The following JAZF1 variants were observed in gnomAD, a reference collection of about 807,000 sequenced individuals.
JAZF1 encodes JAZF zinc finger 1.
In JAZF1, 8 loss-of-function variants were observed where a neutral mutation model predicts 26.4. That is an observed-to-expected ratio of 0.30 (90% confidence interval 0.18 to 0.55). JAZF1 has a LOEUF of 0.55. Ranked by LOEUF, JAZF1 falls within the 20% of genes least tolerant of loss-of-function variation. The pLI, the probability that JAZF1 is intolerant of heterozygous loss-of-function variation, is 0.94. For missense variants in JAZF1, 199 were observed against 322.0 expected (o/e 0.62, Z 2.92); for synonymous variants, 126 against 122.3 (o/e 1.03, Z -0.20).
chr7:28,115,759 A>G (rs943377337), intron 1 of JAZF1, among the ~76,000 whole-genome samples: 3 of 151,824 alleles, frequency 2.0e-5, no homozygotes, highest in Admixed American at 1.3e-4. Context: ...GCTATCCCCC[A>G]CCTACCCACT....
intron 1 of JAZF1, among the ~76,000 whole-genome samples, chr7:28,124,194 C>G (rs572896944): frequency 6.6e-6 from 1 of 152,104 alleles, no homozygotes; most frequent in South Asian, 2.1e-4. Context: ...GCAGGACACA[C>G]AGAGAGACCC....
chr7:27,861,955 A>G (rs1471887566), intron 3 of JAZF1, among the ~76,000 whole-genome samples: 2 of 152,126 alleles, frequency 1.3e-5, no homozygotes, highest in Non-Finnish European at 2.9e-5. Flanking sequence ...TCCCTGTTCT[A>G]AGAACTGTGC....
At chr7:28,121,046 A>G (rs142845557) in intron 1 of JAZF1, among the ~76,000 whole-genome samples, 4,914 of 152,090 alleles carry the variant, frequency 0.032, 238 homozygotes, top group East Asian at 0.22. Context: ...CTAAAAATAC[A>G]AATATTAGCC....
At chr7:27,976,344 C>CAAAAAAAA (rs55992845) in intron 2 of JAZF1, among the ~76,000 whole-genome samples, 3 of 80,458 alleles carry the variant, frequency 3.7e-5, no homozygotes, top group African/African-American at 5.4e-5. Flanking sequence ...GACTCCGTCT[C>CAAAAAAAA]AAAAAAAAAA....
At chr7:27,895,491 C>A in intron 2 of JAZF1, 75 bp from the exon 3 acceptor site, 1 of 1,101,560 alleles carries the variant, frequency 9.1e-7, no homozygotes, top group Non-Finnish European at 1.3e-6. Flanking sequence ...ATTAGAGTTT[C>A]AGACATGCAC....
At chr7:28,092,315 A>AAAAAAAAAAAAAAAAAAAAAAAAAAAT (rs1784314040) in intron 1 of JAZF1, among the ~76,000 whole-genome samples, 1 of 140,608 alleles carries the variant, frequency 7.1e-6, no homozygotes, top group African/African-American at 2.6e-5. Flanking sequence ...AAAAAAAAAA[A>AAAAAAAAAAAAAAAAAAAAAAAAAAAT]AAAAAAAAAA....
intron 3 of JAZF1, among the ~76,000 whole-genome samples, chr7:27,863,199 T>TTCCTTCCCTGCCCATCATTA (rs1476462950): frequency 6.6e-5 from 10 of 152,254 alleles, no homozygotes; most frequent in Non-Finnish European, 1.5e-4. Flanking sequence ...TCGTTGTCTA[T>TTCCTTCCCTGCCCATCATTA]TCCTTCCCTG....
At chr7:28,118,462 C>T (rs894000437) in intron 1 of JAZF1, among the ~76,000 whole-genome samples, 31 of 151,890 alleles carry the variant, frequency 2.0e-4, no homozygotes, top group African/African-American at 5.8e-4. Flanking sequence ...TTGCAGTGGG[C>T]CAAGATTGCA....
intron 1 of JAZF1, among the ~76,000 whole-genome samples, chr7:28,039,264 C>T (rs1000121555): frequency 2.6e-5 from 4 of 152,038 alleles, no homozygotes; most frequent in African/African-American, 9.7e-5. Flanking sequence ...CACATGCGCA[C>T]GTGCATACAA....
At chr7:28,056,612 T>A (rs1783716567) in intron 1 of JAZF1, among the ~76,000 whole-genome samples, 1 of 152,164 alleles carries the variant, frequency 6.6e-6, no homozygotes, top group Non-Finnish European at 1.5e-5. Context: ...AACTAGTGGA[T>A]TAAACTAAAA....
At chr7:27,994,094 C>T (rs1192937395) in intron 1 of JAZF1, among the ~76,000 whole-genome samples, 1 of 151,900 alleles carries the variant, frequency 6.6e-6, no homozygotes, top group Non-Finnish European at 1.5e-5. Context: ...TATTTTTTCC[C>T]GTGTGTATGT....
intron 2 of JAZF1, among the ~76,000 whole-genome samples, chr7:27,938,485 A>T (rs947158422): frequency 2.0e-5 from 3 of 152,236 alleles, no homozygotes; most frequent in African/African-American, 7.2e-5. Context: ...TATTAAACTC[A>T]GCTTCACACC....
intron 3 of JAZF1, among the ~76,000 whole-genome samples, chr7:27,872,810 T>C (rs1783608775): frequency 6.6e-6 from 1 of 151,946 alleles, no homozygotes; most frequent in East Asian, 1.9e-4. Context: ...GGTAGTTTAC[T>C]TGGGTTCGAT....
At chr7:27,861,697 G>T (rs1783383999) in intron 3 of JAZF1, among the ~76,000 whole-genome samples, 1 of 152,082 alleles carries the variant, frequency 6.6e-6, no homozygotes, top group Admixed American at 6.5e-5. Context: ...TGTCCTGGAA[G>T]CCATTCCCAA....
chr7:28,057,153 G>T (rs1306406103), intron 1 of JAZF1, among the ~76,000 whole-genome samples: 1 of 152,082 alleles, frequency 6.6e-6, no homozygotes, highest in African/African-American at 2.4e-5. Flanking sequence ...ACCTGATAGG[G>T]GCTAGGCTGA....
At chr7:27,892,892 T>G (rs998884581) in intron 3 of JAZF1, among the ~76,000 whole-genome samples, 7 of 152,242 alleles carry the variant, frequency 4.6e-5, no homozygotes, top group Admixed American at 6.5e-5. Flanking sequence ...ACATGTGCTA[T>G]CACATTTAAC....
Position 28,174,819 on chromosome 7 carries a change from TGG to T in JAZF1, c.115+5642_115+5643del, listed in dbSNP as rs560006381. ...TCCCTGATCCTGCCTATGGGGTGTG[TGG>T]GTGTGTGTGTGTGTGTGTGTGTGTG... On this transcript the variant is annotated intron_variant, in intron 1 of 4. Coordinates refer to ENST00000283928, the MANE Select transcript of JAZF1 (RefSeq NM_175061.4). Among the ~76,000 whole-genome samples the T allele has an allele frequency of 3.7e-4, 34 of 90,830 alleles. 2 individuals carry two copies. Among genetic ancestry groups the T allele is most frequent in the East Asian group, 1.9e-3 (8 of 4,262 alleles). 59.6% of individuals were successfully genotyped at this position (90,830 alleles called of 152,430 possible).
intron 2 of JAZF1, among the ~76,000 whole-genome samples, chr7:27,898,286 C>CATATATAT (rs10638646): frequency 0.36 from 35,657 of 98,784 alleles, 6,336 homozygotes; most frequent in East Asian, 0.55. Flanking sequence ...ACGTCTAACT[C>CATATATAT]ATATATATAT....
rs546534789 is a variant in JAZF1 at position 27,831,394 on chromosome 7, A to G, written c.*1406T>C. 1 of 227,826 alleles carries G rather than the reference A, an allele frequency of 4.4e-6. No individual in the cohort carries two copies. 14.1% of individuals were successfully genotyped at this position (227,826 alleles called of 1,614,324 possible). On this transcript the variant is annotated 3_prime_UTR_variant, in exon 5 of 5. Coordinates refer to ENST00000283928, the MANE Select transcript of JAZF1 (RefSeq NM_175061.4). The stretch of plus-strand genomic sequence containing the variant: ...GTTTTATGGGCAGTTAGCTATCTCA[A>G]AGCATTTTTTATTGCATTATTAGGC...
Sources: allele counts gnomAD v4.1 joint callset (sites outside exome capture counted in the v4.1 genomes callset), GRCh38; gene constraint gnomAD v4.1.1; transcripts MANE v1.5; gene names NCBI Gene and HGNC (gene_info 2026-07-23, HGNC 2026-07-21).